Variants in WWOX observed in about 807,000 individuals in gnomAD.
WWOX encodes WW domain containing oxidoreductase.
In WWOX, 69 loss-of-function variants were observed where a neutral mutation model predicts 46.2. That is an observed-to-expected ratio of 1.49 (90% CI 1.23 to 1.82). The LOEUF is 1.82. Among genes scored for constraint, WWOX ranks in the 40% most tolerant of loss-of-function variants. The probability of loss-of-function intolerance (pLI) is 0.00; values close to 1 mark genes in which losing one functional copy is unlikely to be tolerated. For missense variants in WWOX, 919 were observed against 542.6 expected, an observed-to-expected ratio of 1.69 and a Z score of -6.89; for synonymous variants, 359 against 202.6, an observed-to-expected ratio of 1.77 and a Z score of -6.56.
At chr16:78,714,534 C>T (rs527509492) in intron 8 of WWOX, among the ~76,000 whole-genome samples, 6 of 152,020 alleles carry the variant, frequency 3.9e-5, no homozygotes, top group African/African-American at 1.4e-4. Context: ...GACACAGACA[C>T]ACCATATCAT....
intron 8 of WWOX, among the ~76,000 whole-genome samples, chr16:79,059,572 C>A (rs938700043): frequency 6.6e-6 from 1 of 152,128 alleles, no homozygotes; most frequent in Non-Finnish European, 1.5e-5. Flanking sequence ...CTCACTGCAG[C>A]CTCCGCCTTC....
intron 6 of WWOX, among the ~76,000 whole-genome samples, chr16:78,406,359 A>AT (rs577010886): frequency 0.041 from 2,478 of 59,908 alleles, 176 homozygotes; most frequent in African/African-American, 0.12. Flanking sequence ...TATATATTTT[A>AT]TTATTTTTTT....
intron 8 of WWOX, among the ~76,000 whole-genome samples, chr16:79,006,376 T>TGCCGGTGGGGCTGGG (rs2047191341): frequency 6.6e-6 from 1 of 152,050 alleles, no homozygotes; most frequent in African/African-American, 2.4e-5. Flanking sequence ...CGGCAGAGGA[T>TGCCGGTGGGGCTGGG]GAAGACAGGG....
chr16:79,018,597 C>T lies in WWOX; in HGVS notation c.1057-193011C>T, dbSNP rs1451611281. Among the ~76,000 whole-genome samples, 3 of 152,138 alleles carry T rather than the reference C, an allele frequency of 2.0e-5. 1 individual carries two copies. The highest frequency in any genetic ancestry group is 4.1e-4 in the South Asian group (2 of 4,820). Reference sequence around the variant, plus strand: ...CAATTAAATAGATAATTGTCAGAATCGAGGTCATGTCTATAAGACACCACC... The same window carrying T: ...CAATTAAATAGATAATTGTCAGAATTGAGGTCATGTCTATAAGACACCACC... On this transcript the variant is annotated intron_variant, in intron 8 of 8. Transcript: ENST00000566780.
At chr16:78,362,872 C>T (rs1049213503) in intron 5 of WWOX, among the ~76,000 whole-genome samples, 7 of 152,110 alleles carry the variant, frequency 4.6e-5, no homozygotes, top group African/African-American at 9.7e-5. Context: ...AGTGAGTTTC[C>T]GAAGTTGCTA....
At chr16:78,731,637 C>G (rs2142384901) in intron 8 of WWOX, among the ~76,000 whole-genome samples, 1 of 152,224 alleles carries the variant, frequency 6.6e-6, no homozygotes, top group South Asian at 2.1e-4. Context: ...GCATGAAGCA[C>G]TTCAGCTTTG....
chr16:78,717,081 C>G (rs1258041271), intron 8 of WWOX, among the ~76,000 whole-genome samples: 1 of 152,190 alleles, frequency 6.6e-6, no homozygotes, highest in Non-Finnish European at 1.5e-5. Context: ...GGCTTCATCA[C>G]ATGGTGATGA....
At chr16:78,989,731 G>GGAGCAGGTA (rs2046846607) in intron 8 of WWOX, among the ~76,000 whole-genome samples, 1 of 152,020 alleles carries the variant, frequency 6.6e-6, no homozygotes, top group South Asian at 2.1e-4. Context: ...TGGAGCAGGT[G>GGAGCAGGTA]TGCAAAGAGG....
At chr16:79,046,431 A>C (rs1165127719) in intron 8 of WWOX, among the ~76,000 whole-genome samples, 1 of 152,186 alleles carries the variant, frequency 6.6e-6, no homozygotes, top group Non-Finnish European at 1.5e-5. Context: ...CCTTAACCAC[A>C]ATTGTTTTAC....
At chr16:78,467,937 A>T (rs1597126982) in intron 8 of WWOX, among the ~76,000 whole-genome samples, 1 of 152,080 alleles carries the variant, frequency 6.6e-6, no homozygotes, top group Admixed American at 6.5e-5. Context: ...TTCTCACTTC[A>T]TTGTCTTTTT....
At chr16:78,423,040 C>G (rs559135634) in intron 6 of WWOX, among the ~76,000 whole-genome samples, 1 of 151,984 alleles carries the variant, frequency 6.6e-6, no homozygotes, top group East Asian at 2.0e-4. Flanking sequence ...CGTGTGCCAC[C>G]ACGCTGGGCT....
chr16:78,713,728 C>T (rs1033571273), intron 8 of WWOX, among the ~76,000 whole-genome samples: 1 of 152,160 alleles, frequency 6.6e-6, no homozygotes, highest in Non-Finnish European at 1.5e-5. Context: ...GACACCTTGA[C>T]CTTGAATGTG....
intron 8 of WWOX, among the ~76,000 whole-genome samples, chr16:79,120,656 C>T (rs575217838): frequency 1.3e-5 from 2 of 152,320 alleles, no homozygotes; most frequent in African/African-American, 4.8e-5. Flanking sequence ...CCCTTCCCGG[C>T]TTCAGGTCGC....
chr16:78,660,002 T>C (rs1354880725), intron 8 of WWOX, among the ~76,000 whole-genome samples: 1 of 152,214 alleles, frequency 6.6e-6, no homozygotes, highest in Non-Finnish European at 1.5e-5. Context: ...ACATTGTTAA[T>C]TGATCCTCAT....
intron 6 of WWOX, among the ~76,000 whole-genome samples, chr16:78,402,498 T>A (rs541153184): frequency 5.3e-5 from 8 of 152,250 alleles, no homozygotes; most frequent in African/African-American, 1.9e-4. Flanking sequence ...AGTAAACATG[T>A]TGGAAAGTAG....
chr16:78,975,482 C>G (rs1354381805), intron 8 of WWOX, among the ~76,000 whole-genome samples: 3 of 151,782 alleles, frequency 2.0e-5, no homozygotes, highest in Non-Finnish European at 4.4e-5. Flanking sequence ...CATTATGGCC[C>G]CCTCCCCCAG....
intron 8 of WWOX, among the ~76,000 whole-genome samples, chr16:78,671,039 G>T (rs2047450955): frequency 6.6e-6 from 1 of 152,112 alleles, no homozygotes. Flanking sequence ...AACAGAGCCT[G>T]CAAGCATTTC....
chr16:78,672,329 G>A lies in WWOX; in HGVS notation c.1056+239577G>A, dbSNP rs551968949. Among the ~76,000 whole-genome samples the A allele has an allele frequency of 7.9e-5, 12 of 152,248 alleles. No homozygotes were observed. The South Asian group carries it at 1.0e-3, about 13-fold the overall frequency. ...ATCATGAAAATACAGCTCTCAAGGC[G>A]GAAGTGCTTGTTAACTTTGCACTCT... On this transcript the variant is annotated intron_variant, in intron 8 of 8. Transcript: ENST00000566780.
At chr16:79,107,610 C>G (rs868328296) in intron 8 of WWOX, among the ~76,000 whole-genome samples, 2 of 152,328 alleles carry the variant, frequency 1.3e-5, no homozygotes, top group East Asian at 1.9e-4. Flanking sequence ...GCAGATCACA[C>G]TCTGCAGATC....
Sources: gnomAD v4.1 joint callset for allele counts (sites outside exome capture counted in the v4.1 genomes callset) on GRCh38, gnomAD v4.1.1 for gene constraint, MANE v1.5 for transcripts, NCBI Gene and HGNC (gene_info 2026-07-23, HGNC 2026-07-21) for gene names.